Variants in SND1 observed in about 807,000 individuals in gnomAD.
The protein encoded by SND1 is staphylococcal nuclease domain-containing protein 1.
Under a neutral mutation model 121.7 loss-of-function variants are expected in SND1, and 38 were observed. The observed-to-expected ratio is 0.31, with a 90% CI of 0.24 to 0.41. SND1 has a LOEUF of 0.41. Ranked by LOEUF, SND1 falls within the 10% of genes least tolerant of loss-of-function variation. The probability of loss-of-function intolerance (pLI) is 1.00; values close to 1 mark genes in which losing one functional copy is unlikely to be tolerated. For missense variants in SND1, 868 were observed against 1,184.6 expected (o/e 0.73, Z 3.92); for synonymous variants, 401 against 447.4 (o/e 0.90, Z 1.31).
chr7:127,904,631 G>A (rs1800298161), intron 13 of SND1, 116 bp from the exon 14 acceptor site: 2 of 665,422 alleles, frequency 3.0e-6, no homozygotes, highest in Admixed American at 4.2e-5. Flanking sequence ...AGTGTGACTT[G>A]TGTAGTCATA....
intron 15 of SND1, among the ~76,000 whole-genome samples, chr7:127,958,737 G>A (rs1421862059): frequency 6.6e-6 from 1 of 152,162 alleles, no homozygotes; most frequent in Non-Finnish European, 1.5e-5. Context: ...GGGCTCTCCT[G>A]CTTTCCCCGC....
chr7:127,713,920 C>T lies in SND1; in HGVS notation c.1038+6273C>T, dbSNP rs61439046. ...TGAGCTTGCCCGAGACTTTTGTGCC[C>T]GTCGTGGCCTGCCAGTTCCCTCCCT... On this transcript the variant is annotated intron_variant, in intron 9 of 23. Transcript: ENST00000354725. Among the ~76,000 whole-genome samples, 501 of 152,276 alleles carry T rather than the reference C, an allele frequency of 3.3e-3. 2 individuals are homozygous for T. Among genetic ancestry groups the T allele is most frequent in the African/African-American group, 0.011 (442 of 41,552 alleles).
chr7:127,894,357 A>G (rs1800076016), intron 13 of SND1, among the ~76,000 whole-genome samples: 1 of 151,920 alleles, frequency 6.6e-6, no homozygotes, highest in Non-Finnish European at 1.5e-5. Flanking sequence ...TAAAATTTCA[A>G]TAAATGGAAA....
At chr7:127,933,235 A>G (rs1204949613) in intron 15 of SND1, among the ~76,000 whole-genome samples, 1 of 152,214 alleles carries the variant, frequency 6.6e-6, no homozygotes, top group African/African-American at 2.4e-5. Context: ...CTTAGACACA[A>G]GCAGTCTGAT....
intron 14 of SND1, among the ~76,000 whole-genome samples, chr7:127,917,825 T>C (rs979944110): frequency 3.9e-5 from 6 of 152,164 alleles, no homozygotes; most frequent in South Asian, 2.1e-4. Flanking sequence ...ACAGAGCAAA[T>C]TTCACATGCA....
chr7:127,834,465 G>GC (rs747020043), intron 11 of SND1, among the ~76,000 whole-genome samples: 14 of 152,294 alleles, frequency 9.2e-5, no homozygotes, highest in Non-Finnish European at 1.8e-4. Flanking sequence ...CAAGAGACCT[G>GC]AATTTGAAGG....
At chr7:127,726,025 A>T (rs1198831742) in intron 10 of SND1, among the ~76,000 whole-genome samples, 1 of 152,100 alleles carries the variant, frequency 6.6e-6, no homozygotes, top group Non-Finnish European at 1.5e-5. Flanking sequence ...CACAGAGACA[A>T]GTTCATTTCT....
At chr7:127,723,755 G>T (rs1412336756) in intron 10 of SND1, among the ~76,000 whole-genome samples, 1 of 152,192 alleles carries the variant, frequency 6.6e-6, no homozygotes, top group Non-Finnish European at 1.5e-5. Flanking sequence ...ATATAAATAT[G>T]AGCCACACAT....
chr7:127,919,109 G>T (rs974307905), intron 14 of SND1, among the ~76,000 whole-genome samples: 2 of 152,108 alleles, frequency 1.3e-5, no homozygotes, highest in Non-Finnish European at 2.9e-5. Context: ...TTCACTTAAG[G>T]TTTATTGAAC....
intron 15 of SND1, among the ~76,000 whole-genome samples, chr7:127,946,840 A>G (rs1034349131): frequency 1.3e-5 from 2 of 152,234 alleles, no homozygotes; most frequent in African/African-American, 4.8e-5. Flanking sequence ...GCAAGAATAC[A>G]AGTACAAAGA....
At chr7:127,885,625 G>C (rs1026514915) in intron 12 of SND1, among the ~76,000 whole-genome samples, 1 of 152,028 alleles carries the variant, frequency 6.6e-6, no homozygotes, top group Non-Finnish European at 1.5e-5. Flanking sequence ...GGTTTTTCCC[G>C]GCCAGGCAGG....
At chr7:127,717,772 G>A (rs1408916551) in intron 9 of SND1, among the ~76,000 whole-genome samples, 1 of 152,198 alleles carries the variant, frequency 6.6e-6, no homozygotes. Flanking sequence ...GGAAATTTTG[G>A]CAGCATTGGG....
rs534163194 is a variant in SND1 at position 127,858,975 on chromosome 7, G to C, written c.1343+14551G>C. ...TATACCTGCATTTACATAAACTACA[G>C]GGGATGTGAAAATGACTCTCTGGGG... On this transcript the variant is annotated intron_variant, in intron 12 of 23. Coordinates refer to ENST00000354725, the MANE Select transcript of SND1 (RefSeq NM_014390.4). Among the ~76,000 whole-genome samples the C allele has an allele frequency of 1.2e-4, 18 of 152,270 alleles. 1 individual carries two copies. The South Asian group carries it at 3.7e-3, about 32-fold the overall frequency.
chr7:127,803,031 A>G (rs907025436), intron 10 of SND1, among the ~76,000 whole-genome samples: 10 of 152,116 alleles, frequency 6.6e-5, no homozygotes, highest in African/African-American at 2.2e-4. Context: ...CCTCTGCTCC[A>G]TCCTTTTCTT....
chr7:127,855,062 G>A (rs1257073290), intron 12 of SND1, among the ~76,000 whole-genome samples: 2 of 151,160 alleles, frequency 1.3e-5, no homozygotes, highest in African/African-American at 4.9e-5. Context: ...GAAAAACTTG[G>A]ACCACTCGGC....
chr7:127,930,318 T>C (rs1490433964), intron 15 of SND1, among the ~76,000 whole-genome samples: 4 of 152,230 alleles, frequency 2.6e-5, no homozygotes, highest in Non-Finnish European at 5.9e-5. Context: ...ACGGGAGTCA[T>C]GCTTGCTGCC....
intron 15 of SND1, among the ~76,000 whole-genome samples, chr7:127,955,874 C>T (rs1261661416): frequency 1.3e-5 from 2 of 152,050 alleles, no homozygotes; most frequent in East Asian, 3.9e-4. Flanking sequence ...ACATACATGG[C>T]CTTCATGATC....
chr7:127,675,590 A>G (rs566791461), intron 1 of SND1, among the ~76,000 whole-genome samples: 7 of 152,176 alleles, frequency 4.6e-5, no homozygotes, highest in Non-Finnish European at 7.3e-5. Flanking sequence ...GGAAGAGAAA[A>G]ATGAACACTG....
chr7:128,022,204 CAAAAAAAA>C (rs58371490), intron 16 of SND1, among the ~76,000 whole-genome samples: 3 of 74,148 alleles, frequency 4.0e-5, no homozygotes, highest in South Asian at 6.5e-4. Context: ...GACTCTCTCT[CAAAAAAAA>C]AAAAAAAAAA....
Sources: gnomAD v4.1 joint callset for allele counts (sites outside exome capture counted in the v4.1 genomes callset) on GRCh38, gnomAD v4.1.1 for gene constraint, MANE v1.5 for transcripts, NCBI Gene and HGNC (gene_info 2026-07-23, HGNC 2026-07-21) for gene names.